The following RAB5B variants were observed in gnomAD, a reference collection of about 807,000 sequenced individuals.
RAB5B encodes the protein RAB5B, member RAS oncogene family.
In RAB5B, 11 loss-of-function variants were observed where a neutral mutation model predicts 28.6. The observed-to-expected ratio is 0.38, with a 90% CI of 0.24 to 0.64. The LOEUF (loss-of-function observed/expected upper bound fraction) is 0.64. Among genes scored for constraint, RAB5B ranks in the 30% least tolerant of loss-of-function variants. The probability of loss-of-function intolerance (pLI) is 0.53; values close to 1 mark genes in which losing one functional copy is unlikely to be tolerated. For synonymous variants in RAB5B, 93 were observed against 97.9 expected, an observed-to-expected ratio of 0.95 and a Z score of 0.29; for missense variants, 169 against 265.6, an observed-to-expected ratio of 0.64 and a Z score of 2.53.
upstream of RAB5B, chr12:55,973,975 A>C (rs1290539317): frequency 1.3e-5 from 2 of 152,294 alleles, no homozygotes; most frequent in Admixed American, 1.3e-4. Flanking sequence ...TTGGTGGATG[A>C]GTGCACATAT....
intron 1 of RAB5B, among the ~76,000 whole-genome samples, chr12:55,978,029 G>A (rs1309174133): frequency 6.6e-6 from 1 of 152,192 alleles, no homozygotes; most frequent in Admixed American, 6.5e-5. Flanking sequence ...TTGGGTGGGA[G>A]GGCCACATAT....
intron 1 of RAB5B, among the ~76,000 whole-genome samples, chr12:55,978,217 G>A (rs1889697864): frequency 6.6e-6 from 1 of 152,108 alleles, no homozygotes. Flanking sequence ...TTCCCAAATG[G>A]GGCCGTGTGC....
chr12:55,985,413 A>G (rs534533129), intron 1 of RAB5B, among the ~76,000 whole-genome samples: 1 of 152,362 alleles, frequency 6.6e-6, no homozygotes, highest in African/African-American at 2.4e-5. Context: ...AATTTGAACA[A>G]GCAAAGTACA....
intron 2 of RAB5B, among the ~76,000 whole-genome samples, chr12:55,988,450 A>G (rs1358418546): frequency 6.6e-6 from 1 of 152,216 alleles, no homozygotes; most frequent in Non-Finnish European, 1.5e-5. Context: ...GTGCTAATTC[A>G]ATAAAGGATC....
At position 55,993,898 on chromosome 12, in the gene RAB5B, C is replaced by T. The variant is rs1890211284; in HGVS notation, c.*1686C>T. 6.6e-6 allele frequency: 1 copy of T among 152,282 alleles called. No homozygotes were observed. Among genetic ancestry groups the T allele is most frequent in the African/African-American group, 2.4e-5 (1 of 41,424 alleles). The allele number at this position is 152,282 out of a possible 1,614,324, so 9.4% of individuals were successfully genotyped here. A position where few individuals can be genotyped will look rare whatever the true frequency, so the allele number is the denominator to read the frequency against. ...TAAATCTCTAGTCTCTCTTCATATC[C>T]TTCATCAGGTGTTTTAAGATGTCTC... is the stretch of plus-strand genomic sequence containing the variant. On this transcript the variant is annotated 3_prime_UTR_variant, in exon 6 of 6. Coordinates refer to ENST00000360299, the MANE Select transcript of RAB5B (RefSeq NM_002868.4).
At position 55,995,728 on chromosome 12, in the gene RAB5B, GT is replaced by G. The variant is rs540929625; in HGVS notation, c.*3518del. 6 of 152,220 alleles carry G rather than the reference GT, an allele frequency of 3.9e-5. No homozygotes were observed. In the South Asian group the frequency reaches 1.2e-3, roughly 32 times the overall value. The allele number at this position is 152,220 out of a possible 1,614,324, so 9.4% of individuals were successfully genotyped here. A position where few individuals can be genotyped will look rare whatever the true frequency, so the allele number is the denominator to read the frequency against. ...ACCAGCTGTGGCCTTGATCAAGTTA[GT>G]TAGTGCCTTCCGCCTCGTTTCTTCA... On this transcript the variant is annotated 3_prime_UTR_variant, in exon 6 of 6. Coordinates refer to ENST00000360299, the MANE Select transcript of RAB5B (RefSeq NM_002868.4).
intron 1 of RAB5B, among the ~76,000 whole-genome samples, chr12:55,974,546 G>T (rs1889592673): frequency 6.6e-6 from 1 of 152,222 alleles, no homozygotes; most frequent in Non-Finnish European, 1.5e-5. Context: ...CCCCGGGGGT[G>T]ACTGGGGCTG....
At position 55,995,995 on chromosome 12, in the gene RAB5B, A is replaced by ATTTTTTTTTTTTTTTT. The variant is rs1293760482; in HGVS notation, c.*3784_*3785insTTTTTTTTTTTTTTTT. 9.6e-6 allele frequency: 1 copy of ATTTTTTTTTTTTTTTT among 104,062 alleles called. No homozygotes were observed. The highest frequency in any genetic ancestry group is 5.2e-5 in the African/African-American group (1 of 19,344). 6.4% of individuals were successfully genotyped at this position (104,062 alleles called of 1,614,324 possible). On this transcript the variant is annotated 3_prime_UTR_variant, in exon 6 of 6. Coordinates refer to ENST00000360299, the MANE Select transcript of RAB5B (RefSeq NM_002868.4). The stretch of plus-strand genomic sequence containing the variant: ...TCCATATATATATACATATATATAT[A>ATTTTTTTTTTTTTTTT]TATATATATTTTTTTTTTAACAACT...
At chr12:55,978,920 G>C (rs1889722937) in intron 1 of RAB5B, among the ~76,000 whole-genome samples, 1 of 151,900 alleles carries the variant, frequency 6.6e-6, no homozygotes, top group African/African-American at 2.4e-5. Flanking sequence ...TTACAAGCCT[G>C]TGCCAACATG....
chr12:55,992,865 A>C lies in RAB5B; in HGVS notation c.*653A>C, dbSNP rs926473631. ...AGAATGGGGAGGCAAGATCTCAGGCACCAGGCAGGAGGTGCCTTGTAAGCT... is the reference window on the plus strand; with the variant it reads ...AGAATGGGGAGGCAAGATCTCAGGCCCCAGGCAGGAGGTGCCTTGTAAGCT... On this transcript the variant is annotated 3_prime_UTR_variant, in exon 6 of 6. Transcript: ENST00000360299. The C allele has an allele frequency of 4.5e-5, 12 of 266,674 alleles. No individual in the cohort carries two copies. Among genetic ancestry groups the C allele is most frequent in the African/African-American group, 2.8e-4 (12 of 42,124 alleles). 16.5% of individuals were successfully genotyped at this position (266,674 alleles called of 1,614,324 possible).
At chr12:55,975,591 G>A (rs2136467822) in intron 1 of RAB5B, among the ~76,000 whole-genome samples, 1 of 150,916 alleles carries the variant, frequency 6.6e-6, no homozygotes, top group Middle Eastern at 3.4e-3. Context: ...TCCAGCCTGG[G>A]CAACAGAATG....
Position 55,996,061 on chromosome 12 carries a change from T to C in RAB5B, c.*3849T>C, listed in dbSNP as rs1386917855. On this transcript the variant is annotated 3_prime_UTR_variant, in exon 6 of 6. Transcript: ENST00000360299. ...GCATTAGCCTTCTTCAGTGATTTGATTGTATACAGATTGAAATCCTTTCCA... is the reference window on the plus strand; with the variant it reads ...GCATTAGCCTTCTTCAGTGATTTGACTGTATACAGATTGAAATCCTTTCCA... 1 of 149,062 alleles carries C rather than the reference T, an allele frequency of 6.7e-6. No homozygotes were observed. Among genetic ancestry groups the C allele is most frequent in the African/African-American group, 2.5e-5 (1 of 40,140 alleles). The allele number at this position is 149,062 out of a possible 1,614,324, so 9.2% of individuals were successfully genotyped here. A position where few individuals can be genotyped will look rare whatever the true frequency, so the allele number is the denominator to read the frequency against.
At chr12:55,980,608 C>T (rs1889776026) in intron 1 of RAB5B, 14 of 1,600,014 alleles carry the variant, frequency 8.7e-6, no homozygotes, top group Non-Finnish European at 1.2e-5. Flanking sequence ...GGATTCCATG[C>T]TCTCGAGCCA....
intron 2 of RAB5B, among the ~76,000 whole-genome samples, chr12:55,987,624 G>C (rs1015655825): frequency 6.6e-6 from 1 of 152,096 alleles, no homozygotes; most frequent in Non-Finnish European, 1.5e-5. Context: ...GAGGTCAGGA[G>C]TTCGAGACCA....
rs1890168446 is a variant in RAB5B at position 55,992,601 on chromosome 12, C to T, written c.*389C>T. On this transcript the variant is annotated 3_prime_UTR_variant, in exon 6 of 6. Transcript: ENST00000360299. The stretch of plus-strand genomic sequence containing the variant: ...CCTTCCCCTTCTGCTTTTGGTCAGT[C>T]CCTGTTCTTGAGCCTCTTTTCTCCT... 1 of 450,176 alleles carries T rather than the reference C, an allele frequency of 2.2e-6. No individual in the cohort carries two copies. The highest frequency in any genetic ancestry group is 2.6e-5 in the Admixed American group (1 of 38,088). The allele number at this position is 450,176 out of a possible 1,614,324, so 27.9% of individuals were successfully genotyped here.
At chr12:55,982,118 G>A (rs537247511) in intron 1 of RAB5B, among the ~76,000 whole-genome samples, 17 of 152,006 alleles carry the variant, frequency 1.1e-4, no homozygotes, top group Admixed American at 1.1e-3. Flanking sequence ...CACTTCTAAG[G>A]GAAGTTAAAT....
At chr12:55,975,952 A>G (rs547161120) in intron 1 of RAB5B, among the ~76,000 whole-genome samples, 1 of 152,066 alleles carries the variant, frequency 6.6e-6, no homozygotes, top group Non-Finnish European at 1.5e-5. Context: ...GGGTTTTACC[A>G]TGTTGGCCAG....
intron 2 of RAB5B, 37 bp from the exon 3 acceptor site, chr12:55,989,910 A>G: frequency 6.3e-7 from 1 of 1,590,694 alleles, no homozygotes; most frequent in Non-Finnish European, 8.6e-7. Flanking sequence ...TCATCCTCCC[A>G]CTTACAGCAT....
Position 55,991,652 on chromosome 12 carries a change from G to T in RAB5B, c.532+199G>T, listed in dbSNP as rs145187135. 5.8e-4 allele frequency: 308 copies of T among 528,938 alleles called. 3 individuals carry two copies. The East Asian group carries it at 6.4e-3, about 11-fold the overall frequency. 32.8% of individuals were successfully genotyped at this position (528,938 alleles called of 1,614,324 possible). A position where few individuals can be genotyped will look rare whatever the true frequency, so the allele number is the denominator to read the frequency against. On this transcript the variant is annotated intron_variant, in intron 5 of 5. Transcript: ENST00000360299. ...CTTCAATGTGTAAGTTTGCCGGCCAGGTGTGGTGGCTAACACCTGTAATCC... is the reference window on the plus strand; with the variant it reads ...CTTCAATGTGTAAGTTTGCCGGCCATGTGTGGTGGCTAACACCTGTAATCC...
Sources: allele counts gnomAD v4.1 joint callset (sites outside exome capture counted in the v4.1 genomes callset), GRCh38; gene constraint gnomAD v4.1.1; transcripts MANE v1.5; gene names NCBI Gene and HGNC (gene_info 2026-07-23, HGNC 2026-07-21).